The following CACNA1A variants were observed in gnomAD, a reference collection of about 807,000 sequenced individuals.
The protein encoded by CACNA1A is voltage-dependent P/Q-type calcium channel subunit alpha-1A.
Under a neutral mutation model 262.4 loss-of-function variants are expected in CACNA1A, and 57 were observed. That is an observed-to-expected ratio of 0.22 (90% CI 0.18 to 0.27). The LOEUF is 0.27. Among genes scored for constraint, CACNA1A ranks in the 10% least tolerant of loss-of-function variants. The pLI is 1.00. For synonymous variants in CACNA1A, 1,431 were observed against 1,419.3 expected (o/e 1.01, Z -0.18); for missense variants, 2,526 against 3,562.8 (o/e 0.71, Z 7.41).
At chr19:13,301,645 C>T (rs12151262) in intron 17 of CACNA1A, among the ~76,000 whole-genome samples, 19,787 of 152,212 alleles carry the variant, frequency 0.13, 1,754 homozygotes, top group Non-Finnish European at 0.19. Context: ...TCATGCAGGG[C>T]CTCATTCGTA....
chr19:13,482,555 T>C (rs1979457182), intron 1 of CACNA1A, among the ~76,000 whole-genome samples: 1 of 152,196 alleles, frequency 6.6e-6, no homozygotes, highest in African/African-American at 2.4e-5. Flanking sequence ...AGTTTCACTT[T>C]GTGAAAAAGA....
intron 4 of CACNA1A, among the ~76,000 whole-genome samples, chr19:13,367,185 C>T (rs572698629): frequency 6.7e-6 from 1 of 149,108 alleles, no homozygotes; most frequent in African/African-American, 2.5e-5. Flanking sequence ...ATCCCAGCTA[C>T]TTGGGAGGCT....
At chr19:13,371,578 C>A (rs907155532) in intron 4 of CACNA1A, 110 bp downstream of exon 4, 6 of 761,016 alleles carry the variant, frequency 7.9e-6, no homozygotes, top group Non-Finnish European at 1.3e-5. Flanking sequence ...AGACTGCCCT[C>A]ACACAGGCTG....
intron 37 of CACNA1A, chr19:13,225,803 C>T (rs10414177): frequency 0.43 from 64,630 of 151,806 alleles, 14,274 homozygotes; most frequent in East Asian, 0.69. Context: ...GGTTGTACAC[C>T]GCACAAAGGG....
chr19:13,208,122 G>A, intron 46 of CACNA1A, 69 bp from the exon 47 acceptor site: 1 of 1,101,534 alleles, frequency 9.1e-7, no homozygotes, highest in Non-Finnish European at 1.1e-6. Flanking sequence ...ACACGGGATT[G>A]GGAGGAAGAG....
intron 24 of CACNA1A, among the ~76,000 whole-genome samples, chr19:13,267,760 T>A (rs549662946): frequency 6.6e-6 from 1 of 151,682 alleles, no homozygotes; most frequent in African/African-American, 2.4e-5. Flanking sequence ...CTGGACAACA[T>A]AGGGAGACCC....
intron 3 of CACNA1A, among the ~76,000 whole-genome samples, chr19:13,376,868 A>AT (rs2059426602): frequency 7.3e-6 from 1 of 137,388 alleles, no homozygotes; most frequent in African/African-American, 2.8e-5. Context: ...GTTATATGTG[A>AT]TATATATAAC....
rs16017 is a variant in CACNA1A at position 13,303,588 on chromosome 19, G to C, written c.2130C>G (p.Ala710=). The C allele has an allele frequency of 5.4e-4, 874 of 1,611,382 alleles. 3 individuals carry two copies. The African/African-American group carries it at 0.011, about 20-fold the overall frequency. ...GNYTLLNVFL[A]IAVDNLANAQ... ...CGTTGGCCAGATTGTCCACAGCGAT[G>C]GCCAAGAACACATTCAGGAGGGTGT... Residue 710 remains alanine (A), a synonymous_variant, in exon 17 of 47, where the codon GCC becomes GCG. Transcript: ENST00000360228.
At chr19:13,329,932 C>T (rs572874772) in intron 10 of CACNA1A, among the ~76,000 whole-genome samples, 6 of 152,206 alleles carry the variant, frequency 3.9e-5, no homozygotes, top group Admixed American at 3.9e-4. Flanking sequence ...ATAAGCAGGT[C>T]CCCCATGAAT....
At chr19:13,344,221 CAAA>C (rs35162704) in intron 6 of CACNA1A, among the ~76,000 whole-genome samples, 1 of 121,318 alleles carries the variant, frequency 8.2e-6, no homozygotes, top group African/African-American at 3.2e-5. Context: ...CTCAAAAAAG[CAAA>C]AAAAAAAAAA....
intron 31 of CACNA1A, among the ~76,000 whole-genome samples, chr19:13,242,317 A>G (rs751454010): frequency 6.6e-6 from 1 of 152,154 alleles, no homozygotes; most frequent in Non-Finnish European, 1.5e-5. Context: ...TTTTTGAGAC[A>G]GAGTTTCACT....
intron 3 of CACNA1A, among the ~76,000 whole-genome samples, chr19:13,445,838 AC>A (rs2060800055): frequency 6.6e-6 from 1 of 152,206 alleles, no homozygotes; most frequent in Non-Finnish European, 1.5e-5. Context: ...GTTACAAAGA[AC>A]AAACAGATGT....
At chr19:13,329,117 G>A (rs2058422286) in intron 10 of CACNA1A, among the ~76,000 whole-genome samples, 1 of 152,110 alleles carries the variant, frequency 6.6e-6, no homozygotes, top group Admixed American at 6.6e-5. Context: ...ACTTTAGAAG[G>A]TCAAAATCAA....
At position 13,207,903 on chromosome 19, in the gene CACNA1A, G is replaced by T. The variant is rs1185639577; in HGVS notation, c.6931C>A (p.Pro2311Thr). 7 of 1,465,550 alleles carry T rather than the reference G, an allele frequency of 4.8e-6. No homozygotes were observed. Among genetic ancestry groups the T allele is most frequent in the South Asian group, 2.7e-5 (2 of 72,986 alleles). 90.8% of individuals were successfully genotyped at this position (1,465,550 alleles called of 1,614,324 possible). Reference protein sequence around the residue: ...PVIRKAGGSGPPQQQQQQQQQ... With the variant: ...PVIRKAGGSGTPQQQQQQQQQ... ...TGCTGCTGCTGCTGCTGCTGCGGGG[G>T]CCCCGAGCCGCCGGCCTTACGGATC... is the stretch of plus-strand genomic sequence containing the variant. Residue 2311 changes from proline (P) to threonine (T), a missense_variant, in exon 47 of 47, where the codon CCC becomes ACC. Pro to Thr is a conservative substitution (Grantham distance 38). Transcript: ENST00000360228. This position sits in a 1 kb window ranked among gnomAD's most constrained non-coding sequence, Gnocchi z 5.7.
chr19:13,280,530 T>A (rs1320765120), intron 22 of CACNA1A, among the ~76,000 whole-genome samples: 1 of 151,492 alleles, frequency 6.6e-6, no homozygotes, highest in East Asian at 2.0e-4. Flanking sequence ...TCAGGAAACA[T>A]GTTGAGGGGC....
intron 3 of CACNA1A, among the ~76,000 whole-genome samples, chr19:13,439,468 C>G (rs980758748): frequency 7.2e-6 from 1 of 138,792 alleles, no homozygotes; most frequent in African/African-American, 2.7e-5. Flanking sequence ...GGTGCCATCT[C>G]AGCTCACTGC....
chr19:13,391,034 G>A (rs1568600031), intron 3 of CACNA1A, among the ~76,000 whole-genome samples: 1 of 152,036 alleles, frequency 6.6e-6, no homozygotes, highest in African/African-American at 2.4e-5. Context: ...TTACAGGCAC[G>A]TGACACCATT....
Position 13,299,297 on chromosome 19 carries a change from C to T in CACNA1A, c.2336G>A (p.Ser779Asn), listed in dbSNP as rs372715067. Residue 779 changes from serine to asparagine, a missense_variant, in exon 19 of 47, where the codon AGT becomes AAT. Coordinates refer to ENST00000360228, the MANE Select transcript of CACNA1A (RefSeq NM_001127222.2). ...PAKSVWEQRT[S>N]EMRKQNLLAS... is the part of the protein sequence containing the mutation. ...CAGCAAGTTCTGCTTTCGCATCTCA[C>T]TGGTCCGCTGCTCCCACACGGACTT... 3.1e-6 allele frequency: 5 copies of T among 1,602,462 alleles called. No homozygotes were observed. The highest frequency in any genetic ancestry group is 4.2e-6 in the Non-Finnish European group (5 of 1,179,840).
At chr19:13,486,653 G>A (rs563149610) in intron 1 of CACNA1A, among the ~76,000 whole-genome samples, 82 of 150,884 alleles carry the variant, frequency 5.4e-4, no homozygotes, top group African/African-American at 1.8e-3. Flanking sequence ...AACAGGAGAA[G>A]GGGAAGATAC....
Sources: allele counts gnomAD v4.1 joint callset (sites outside exome capture counted in the v4.1 genomes callset), GRCh38; gene constraint gnomAD v4.1.1; non-coding constraint Gnocchi (gnomAD v3.1); transcripts MANE v1.5; gene names NCBI Gene and HGNC (gene_info 2026-07-23, HGNC 2026-07-21).